The following CCDC14 variants were observed in gnomAD, a reference collection of about 807,000 sequenced individuals.
CCDC14 encodes the protein coiled-coil domain-containing protein 14.
In CCDC14, 71 loss-of-function variants were observed where a neutral mutation model predicts 81.4. That is an observed-to-expected ratio of 0.87 (90% CI 0.72 to 1.06). The LOEUF (loss-of-function observed/expected upper bound fraction) is 1.06, where lower values mean the gene tolerates loss of function less well. Among genes scored for constraint, CCDC14 ranks in the 50% least tolerant of loss-of-function variants. CCDC14 has a pLI of 0.00. For missense variants in CCDC14, 1,046 were observed against 1,047.3 expected (o/e 1.00, Z 0.02); for synonymous variants, 332 against 364.8 (o/e 0.91, Z 1.03).
downstream of CCDC14, among the ~76,000 whole-genome samples, chr3:123,892,762 C>T (rs1334856228): frequency 4.6e-5 from 7 of 152,042 alleles, no homozygotes; most frequent in East Asian, 9.6e-4. Flanking sequence ...AATTTTTTCA[C>T]TTTTTTATTG....
intron 12 of CCDC14, among the ~76,000 whole-genome samples, chr3:123,919,543 C>T (rs1000835570): frequency 6.6e-6 from 1 of 152,194 alleles, no homozygotes; most frequent in Non-Finnish European, 1.5e-5. Context: ...GCCCAGCTGG[C>T]AGCTCCACCT....
intron 9 of CCDC14, among the ~76,000 whole-genome samples, chr3:123,940,903 G>A (rs13089955): frequency 0.88 from 134,543 of 152,070 alleles, 60,945 homozygotes; most frequent in Non-Finnish European, 0.99. Context: ...AACATTAACA[G>A]TATGAAATAA....
chr3:123,897,655 G>A (rs1349469169), intron 5 of CCDC14: 1 of 949,016 alleles, frequency 1.1e-6, no homozygotes, highest in Non-Finnish European at 1.4e-6. Context: ...TATAAACTTG[G>A]GATTACATTC....
intron 12 of CCDC14, among the ~76,000 whole-genome samples, chr3:123,920,054 A>G (rs2034952926): frequency 2.0e-5 from 3 of 152,216 alleles, no homozygotes; most frequent in Admixed American, 6.5e-5. Context: ...AAGTTTGACA[A>G]AGAAATAGAA....
At chr3:123,932,607 G>C (rs1691887075) in intron 10 of CCDC14, among the ~76,000 whole-genome samples, 1 of 151,916 alleles carries the variant, frequency 6.6e-6, no homozygotes, top group Non-Finnish European at 1.5e-5. Context: ...TTCCTCTGTG[G>C]CATTTGAGTC....
intron 12 of CCDC14, among the ~76,000 whole-genome samples, chr3:123,923,723 T>C (rs2035184636): frequency 6.6e-6 from 1 of 151,078 alleles, no homozygotes; most frequent in African/African-American, 2.4e-5. Flanking sequence ...ATATTATTAG[T>C]ATTTACTAAA....
chr3:123,936,182 C>T (rs1186205921), intron 9 of CCDC14, among the ~76,000 whole-genome samples: 2 of 152,106 alleles, frequency 1.3e-5, no homozygotes, highest in African/African-American at 2.4e-5. Flanking sequence ...CTCTCATTCC[C>T]TGCTTTCAGG....
chr3:123,953,298 A>AGG (rs1481262830), intron 5 of CCDC14: 2 of 152,258 alleles, frequency 1.3e-5, no homozygotes, highest in Non-Finnish European at 2.9e-5. Flanking sequence ...AGGATGAGGT[A>AGG]ATGTTTCCCT....
intron 9 of CCDC14, among the ~76,000 whole-genome samples, chr3:123,940,192 C>T (rs776833754): frequency 6.6e-5 from 10 of 151,776 alleles, no homozygotes; most frequent in Non-Finnish European, 8.8e-5. Flanking sequence ...TCAGGCTTCA[C>T]AATACTTAAG....
chr3:123,960,514 T>C (rs563587481), intron 1 of CCDC14, among the ~76,000 whole-genome samples: 202 of 152,336 alleles, frequency 1.3e-3, no homozygotes, highest in South Asian at 4.8e-3. Context: ...ATAGGGATAA[T>C]AGTACTTACC....
rs2034572869 is a variant in CCDC14, at chr3:123,914,997, C to T, written c.2500G>A (p.Gly834Ser). Residue 834 changes from glycine to serine, a missense_variant, in exon 13 of 13, where the codon GGC (glycine) becomes AGC (serine). Physicochemically the swap from Gly to Ser is moderately conservative, Grantham distance 56. Coordinates refer to ENST00000409697, the MANE Select transcript of CCDC14 (RefSeq NM_001366335.1). ...CTGTTGCTAAGACAACCTGATGGGC[C>T]ATGACATGCAGTTTGTTCCTCTGGC... ...KEPEEQTACH[G>S]PSGCLSNSLQ... 1.1e-5 allele frequency: 17 copies of T among 1,613,900 alleles called. No individual in the cohort carries two copies. The highest frequency in any genetic ancestry group is 1.3e-5 in the African/African-American group (1 of 74,934).
downstream of CCDC14, among the ~76,000 whole-genome samples, chr3:123,896,352 C>T (rs1007035289): frequency 4.6e-5 from 7 of 152,144 alleles, no homozygotes; most frequent in African/African-American, 1.7e-4. Flanking sequence ...AGCTTCCACA[C>T]TATAATAAAT....
intron 5 of CCDC14, among the ~76,000 whole-genome samples, chr3:123,951,290 T>C (rs746569253): frequency 7.2e-5 from 11 of 152,186 alleles, no homozygotes; most frequent in African/African-American, 1.7e-4. Context: ...ACTCTTACAA[T>C]AGACAAGTAA....
At chr3:123,930,469 G>C (rs555932824) in intron 12 of CCDC14, among the ~76,000 whole-genome samples, 1 of 152,254 alleles carries the variant, frequency 6.6e-6, no homozygotes, top group Admixed American at 6.5e-5. Context: ...CCAATTCTTA[G>C]CAAATATCTC....
downstream of CCDC14, among the ~76,000 whole-genome samples, chr3:123,909,601 G>C (rs974779640): frequency 6.6e-6 from 1 of 152,186 alleles, no homozygotes; most frequent in African/African-American, 2.4e-5. Flanking sequence ...AAGAACTTAA[G>C]TGTCTATTAT....
chr3:123,923,783 A>C (rs1341601262), intron 12 of CCDC14, among the ~76,000 whole-genome samples: 8 of 151,000 alleles, frequency 5.3e-5, no homozygotes, highest in Admixed American at 5.3e-4. Context: ...ACACTGATAA[A>C]ATAAACTGAA....
chr3:123,921,243 CAG>C (rs1258295590), intron 12 of CCDC14, among the ~76,000 whole-genome samples: 1 of 152,092 alleles, frequency 6.6e-6, no homozygotes, highest in African/African-American at 2.4e-5. Flanking sequence ...AATCAAAAGA[CAG>C]AGTGGGTGAA....
Position 123,914,498 on chromosome 3 carries a change from T to G in CCDC14, c.*281A>C. ...GTACCCTTAATCCAGCAGATACATC[T>G]TAATAAAAGAACTCTAATTGCTAAG... On this transcript the variant is annotated 3_prime_UTR_variant, in exon 13 of 13. Transcript: ENST00000409697. 2 of 1,051,326 alleles carry G rather than the reference T, an allele frequency of 1.9e-6. No homozygotes were observed. Among genetic ancestry groups the G allele is most frequent in the Non-Finnish European group, 2.3e-6 (2 of 872,948 alleles). The allele number at this position is 1,051,326 out of a possible 1,614,324, so 65.1% of individuals were successfully genotyped here. A position where few individuals can be genotyped will look rare whatever the true frequency, so the allele number is the denominator to read the frequency against.
At chr3:123,953,439 G>A (rs1036258522) in intron 5 of CCDC14, 6 of 152,140 alleles carry the variant, frequency 3.9e-5, no homozygotes, top group Admixed American at 3.3e-4. Context: ...TCACCCCAAT[G>A]GGAACTAGGG....
Sources: gnomAD v4.1 joint callset for allele counts (sites outside exome capture counted in the v4.1 genomes callset) on GRCh38, gnomAD v4.1.1 for gene constraint, MANE v1.5 for transcripts, NCBI Gene and HGNC (gene_info 2026-07-23, HGNC 2026-07-21) for gene names.